PTPRD: variants seen among roughly 807,000 people sequenced by gnomAD.
The protein encoded by PTPRD is protein tyrosine phosphatase receptor type D.
Under a neutral mutation model 214.5 loss-of-function variants are expected in PTPRD, and 34 were observed. The observed-to-expected ratio is 0.16, with a 90% CI of 0.12 to 0.21. The LOEUF (loss-of-function observed/expected upper bound fraction) is 0.21, where lower values mean the gene tolerates loss of function less well. Ranked by LOEUF, PTPRD falls within the 10% of genes least tolerant of loss-of-function variation. PTPRD has a pLI of 1.00. For missense variants in PTPRD, 2,545 were observed against 2,398.7 expected (o/e 1.06, Z -1.27); for synonymous variants, 1,128 against 845.7 (o/e 1.33, Z -5.79).
chr9:8,363,656 C>G (rs980169080), intron 39 of PTPRD, among the ~76,000 whole-genome samples: 1 of 152,168 alleles, frequency 6.6e-6, no homozygotes, highest in Non-Finnish European at 1.5e-5. Context: ...CAGAATAGAG[C>G]AGTGAGAAAG....
chr9:9,283,514 A>T (rs1449998879), intron 9 of PTPRD, among the ~76,000 whole-genome samples: 4 of 151,392 alleles, frequency 2.6e-5, no homozygotes, highest in African/African-American at 9.7e-5. Flanking sequence ...AAAGTATCCA[A>T]CTGCTAGGAA....
intron 8 of PTPRD, among the ~76,000 whole-genome samples, chr9:9,564,011 A>G (rs944908961): frequency 1.3e-5 from 2 of 152,200 alleles, no homozygotes; most frequent in Middle Eastern, 3.4e-3. Flanking sequence ...AGTAGGTGAG[A>G]GCTTGGGTTG....
intron 5 of PTPRD, among the ~76,000 whole-genome samples, chr9:9,812,007 C>T (rs967562522): frequency 6.6e-6 from 1 of 152,158 alleles, no homozygotes; most frequent in Admixed American, 6.5e-5. Context: ...GCAATTACCA[C>T]CCTGATCAGT....
chr9:9,904,732 A>G (rs376145632), intron 5 of PTPRD, among the ~76,000 whole-genome samples: 1 of 152,104 alleles, frequency 6.6e-6, no homozygotes. Context: ...AAGCTTAAAC[A>G]TCTTTTTAAT....
At chr9:8,805,489 T>C (rs1015093147) in intron 11 of PTPRD, among the ~76,000 whole-genome samples, 1 of 151,534 alleles carries the variant, frequency 6.6e-6, no homozygotes, top group Non-Finnish European at 1.5e-5. Context: ...AAAATGATTA[T>C]AAACCTCAAT....
intron 39 of PTPRD, among the ~76,000 whole-genome samples, chr9:8,355,856 G>T (rs979094261): frequency 6.6e-6 from 1 of 152,128 alleles, no homozygotes; most frequent in African/African-American, 2.4e-5. Context: ...TGCTGATATG[G>T]CTGGTCGCTG....
At chr9:9,024,336 T>TAG (rs1205796186) in intron 10 of PTPRD, among the ~76,000 whole-genome samples, 28 of 68,590 alleles carry the variant, frequency 4.1e-4, no homozygotes, top group African/African-American at 1.0e-3. Context: ...TGTCGATTCT[T>TAG]TGTTTTTTTT....
At chr9:9,859,265 C>G (rs2062180494) in intron 5 of PTPRD, among the ~76,000 whole-genome samples, 2 of 152,136 alleles carry the variant, frequency 1.3e-5, no homozygotes, top group South Asian at 4.1e-4. Context: ...TATAAATTAC[C>G]CAGTCTCAGG....
At chr9:9,950,501 G>T (rs2093348611) in intron 4 of PTPRD, among the ~76,000 whole-genome samples, 1 of 34,896 alleles carries the variant, frequency 2.9e-5, no homozygotes, top group Non-Finnish European at 4.0e-5. Context: ...GAGGCGGGCG[G>T]ATCACGAGGT....
chr9:8,535,267 G>A (rs746390920), intron 14 of PTPRD, among the ~76,000 whole-genome samples: 7 of 151,884 alleles, frequency 4.6e-5, no homozygotes, highest in Admixed American at 6.6e-5. Context: ...CAAACAAGTA[G>A]TGCAGCAATA....
chr9:10,144,802 T>C (rs1443498369), intron 3 of PTPRD, among the ~76,000 whole-genome samples: 3 of 151,944 alleles, frequency 2.0e-5, no homozygotes, highest in African/African-American at 7.3e-5. Context: ...ATTATAATGT[T>C]AACAAAAAAA....
intron 14 of PTPRD, among the ~76,000 whole-genome samples, chr9:8,535,895 C>T (rs1337212338): frequency 2.0e-5 from 3 of 151,870 alleles, no homozygotes; most frequent in South Asian, 4.1e-4. Context: ...ATATGATGCT[C>T]TTACTAAATC....
intron 10 of PTPRD, among the ~76,000 whole-genome samples, chr9:9,046,423 T>C (rs1452714176): frequency 2.6e-5 from 4 of 152,178 alleles, no homozygotes; most frequent in Non-Finnish European, 5.9e-5. Flanking sequence ...GCTGTTATCG[T>C]GAACTGAATA....
chr9:10,104,026 A>T (rs1248606021), intron 3 of PTPRD, among the ~76,000 whole-genome samples: 4 of 151,728 alleles, frequency 2.6e-5, no homozygotes, highest in Non-Finnish European at 5.9e-5. Flanking sequence ...CATGTGTAGG[A>T]AACTTAAGGA....
At position 10,311,189 on chromosome 9, in the gene PTPRD, G is replaced by A. The variant is rs138521330; in HGVS notation, c.-545+29774C>T. 2.8e-3 allele frequency among the ~76,000 whole-genome samples: 425 copies of A among 151,920 alleles called. 2 individuals carry two copies. Among genetic ancestry groups the A allele is most frequent in the African/African-American group, 9.8e-3 (405 of 41,468 alleles). Reference sequence around the variant, plus strand: ...TAGGGAAAAAACCTAGGAAGGTGCTGGTTTTACTTATACTGTCTTAACTTT... The same window carrying A: ...TAGGGAAAAAACCTAGGAAGGTGCTAGTTTTACTTATACTGTCTTAACTTT... On this transcript the variant is annotated intron_variant, in intron 3 of 45. Transcript: ENST00000381196.
intron 3 of PTPRD, among the ~76,000 whole-genome samples, chr9:10,088,113 T>C (rs2098379263): frequency 6.6e-6 from 1 of 151,764 alleles, no homozygotes; most frequent in African/African-American, 2.4e-5. Flanking sequence ...ATTGTCTAGT[T>C]TGTAGTAAGA....
chr9:8,749,787 G>C (rs1356713641), intron 11 of PTPRD, among the ~76,000 whole-genome samples: 1 of 152,116 alleles, frequency 6.6e-6, no homozygotes, highest in Non-Finnish European at 1.5e-5. Context: ...AGGGACAAGA[G>C]ACTTATAATA....
At chr9:9,057,041 A>G (rs2099697595) in intron 10 of PTPRD, among the ~76,000 whole-genome samples, 1 of 152,144 alleles carries the variant, frequency 6.6e-6, no homozygotes, top group African/African-American at 2.4e-5. Flanking sequence ...GATCTGTTAT[A>G]GGGTGGTTGT....
chr9:8,457,890 T>C (rs1215611785), intron 33 of PTPRD, among the ~76,000 whole-genome samples: 1 of 152,142 alleles, frequency 6.6e-6, no homozygotes, highest in Non-Finnish European at 1.5e-5. Flanking sequence ...ATTTATTATG[T>C]AATTAACTTT....
Sources: allele counts gnomAD v4.1 joint callset (sites outside exome capture counted in the v4.1 genomes callset), GRCh38; gene constraint gnomAD v4.1.1; transcripts MANE v1.5; gene names NCBI Gene and HGNC (gene_info 2026-07-23, HGNC 2026-07-21).